Variants in MSRA observed in about 807,000 individuals in gnomAD.
MSRA encodes methionine sulfoxide reductase A.
Under a neutral mutation model 31.3 loss-of-function variants are expected in MSRA, and 54 were observed. That is an observed-to-expected ratio of 1.73 (90% CI 1.39 to 2.17). The LOEUF (loss-of-function observed/expected upper bound fraction) is 2.17, where lower values mean the gene tolerates loss of function less well. Ranked by LOEUF, MSRA falls within the 30% of genes most tolerant of loss-of-function variation. The pLI is 0.00. For synonymous variants in MSRA, 169 were observed against 116.5 expected (o/e 1.45, Z -2.90); for missense variants, 507 against 300.9 (o/e 1.69, Z -5.07).
At chr8:10,349,746 C>T (rs1446171870) in intron 5 of MSRA, among the ~76,000 whole-genome samples, 3 of 152,238 alleles carry the variant, frequency 2.0e-5, no homozygotes, top group African/African-American at 4.8e-5. Flanking sequence ...CAAGCTGAGG[C>T]TCTTTTAGGT....
rs117391618 is a variant in MSRA, at chr8:10,248,726, A to T, written c.331+3503A>T. Among the ~76,000 whole-genome samples the T allele has an allele frequency of 3.9e-5, 6 of 152,342 alleles. No homozygotes were observed. In the East Asian group the frequency reaches 9.6e-4, roughly 24 times the overall value. On this transcript the variant is annotated intron_variant, in intron 3 of 5. Coordinates refer to ENST00000317173, the MANE Select transcript of MSRA (RefSeq NM_012331.5). ...TATAGAAAAGATAACATGGCTTCTCATAGTAGCTGAGAGAGGAGGTGTGCC... is the reference window on the plus strand; with the variant it reads ...TATAGAAAAGATAACATGGCTTCTCTTAGTAGCTGAGAGAGGAGGTGTGCC...
At chr8:10,182,405 C>G (rs112885250) in intron 1 of MSRA, among the ~76,000 whole-genome samples, 1 of 152,070 alleles carries the variant, frequency 6.6e-6, no homozygotes, top group South Asian at 2.1e-4. Context: ...GTCAGGAATC[C>G]GGACACAGCT....
chr8:10,274,707 A>G (rs565798066), intron 3 of MSRA, among the ~76,000 whole-genome samples: 94 of 152,060 alleles, frequency 6.2e-4, no homozygotes, highest in African/African-American at 2.2e-3. Context: ...TCATCCGCCC[A>G]TTTATCCATG....
intron 1 of MSRA, among the ~76,000 whole-genome samples, chr8:10,087,143 A>G (rs1249212533): frequency 6.6e-6 from 1 of 152,164 alleles, no homozygotes; most frequent in Non-Finnish European, 1.5e-5. Context: ...GACCTTAAAC[A>G]TCTTGAGGGT....
Position 10,090,692 on chromosome 8 carries a change from C to T in MSRA, c.142+36034C>T, listed in dbSNP as rs553604370. ...TAGTCATTGGCAGTCACTTCCAATT[C>T]TTCCCTCTGCCCAGGTCCCAGCAAC... On this transcript the variant is annotated intron_variant, in intron 1 of 5. Transcript: ENST00000317173. 3.9e-5 allele frequency among the ~76,000 whole-genome samples: 6 copies of T among 152,290 alleles called. No individual in the cohort carries two copies. In the East Asian group the frequency reaches 1.2e-3, roughly 29 times the overall value.
At chr8:10,374,896 C>T (rs796524452) in intron 5 of MSRA, among the ~76,000 whole-genome samples, 24 of 152,232 alleles carry the variant, frequency 1.6e-4, no homozygotes, top group African/African-American at 5.8e-4. Context: ...GGAGTTCTCA[C>T]CCAGTTCATG....
At chr8:10,103,701 A>G (rs991451857) in intron 1 of MSRA, among the ~76,000 whole-genome samples, 1 of 151,656 alleles carries the variant, frequency 6.6e-6, no homozygotes, top group African/African-American at 2.4e-5. Context: ...AGACTGTTTT[A>G]TATATATATA....
At position 10,198,802 on chromosome 8, in the gene MSRA, A is replaced by AT. The variant is rs201581222; in HGVS notation, c.143-9025dup. ...CCATGCCTGGCTAACTTATTTATTT[A>AT]TTTTTTGTAGCAATGGGAGTCTCGC... On this transcript the variant is annotated intron_variant, in intron 1 of 5. Coordinates refer to ENST00000317173, the MANE Select transcript of MSRA (RefSeq NM_012331.5). 3.3e-3 allele frequency among the ~76,000 whole-genome samples: 496 copies of AT among 152,022 alleles called. 2 individuals carry two copies. The highest frequency in any genetic ancestry group is 0.011 in the African/African-American group (467 of 41,448).
At chr8:10,271,384 CA>C (rs1346700760) in intron 3 of MSRA, among the ~76,000 whole-genome samples, 6 of 152,090 alleles carry the variant, frequency 3.9e-5, no homozygotes, top group African/African-American at 1.4e-4. Flanking sequence ...AGGGCCTTCT[CA>C]ATTATGTAAC....
At chr8:10,408,890 A>G (rs907976083) in intron 5 of MSRA, among the ~76,000 whole-genome samples, 6 of 152,202 alleles carry the variant, frequency 3.9e-5, no homozygotes, top group Non-Finnish European at 8.8e-5. Flanking sequence ...GCTGCAAAAG[A>G]CATGATTGTC....
chr8:10,260,050 A>G (rs568003662), intron 3 of MSRA, among the ~76,000 whole-genome samples: 36 of 152,364 alleles, frequency 2.4e-4, no homozygotes, highest in African/African-American at 8.2e-4. Context: ...GGGAAAGAGA[A>G]AACAACCAAG....
chr8:10,334,812 C>G (rs1170727942), intron 5 of MSRA, among the ~76,000 whole-genome samples: 3 of 152,240 alleles, frequency 2.0e-5, no homozygotes, highest in African/African-American at 4.8e-5. Flanking sequence ...CAAAATGTGC[C>G]TTACTCCCTC....
intron 5 of MSRA, among the ~76,000 whole-genome samples, chr8:10,415,636 C>G (rs953417013): frequency 2.6e-5 from 4 of 152,130 alleles, no homozygotes; most frequent in Admixed American, 2.0e-4. Flanking sequence ...GTCCCATCTG[C>G]TGGGTCGCCC....
chr8:10,259,260 G>C (rs1798343967), intron 3 of MSRA, among the ~76,000 whole-genome samples: 1 of 152,132 alleles, frequency 6.6e-6, no homozygotes, highest in Non-Finnish European at 1.5e-5. Context: ...GCATCTTTTG[G>C]GCTGTAGCAA....
chr8:10,129,498 C>G (rs531342614), intron 1 of MSRA, among the ~76,000 whole-genome samples: 1 of 152,114 alleles, frequency 6.6e-6, no homozygotes, highest in African/African-American at 2.4e-5. Flanking sequence ...CACCTGTTCT[C>G]TTGCCCTGCA....
In MSRA at chr8:10,419,944, C is replaced by T. The variant is rs559083792; in HGVS notation, c.544-8204C>T. Among the ~76,000 whole-genome samples the T allele has an allele frequency of 1.4e-4, 22 of 152,298 alleles. No homozygotes were observed. The South Asian group carries it at 3.9e-3, about 27-fold the overall frequency. On this transcript the variant is annotated intron_variant, in intron 5 of 5. Transcript: ENST00000317173. ...CCTTTTGCAGTTCTGTAGAGGAGCA[C>T]AGGGTCAGCGCTGGAAGCTGCTGAT...
chr8:10,199,226 T>A (rs1268901104), intron 1 of MSRA, among the ~76,000 whole-genome samples: 1 of 152,142 alleles, frequency 6.6e-6, no homozygotes, highest in Admixed American at 6.5e-5. Context: ...TCTGATCACC[T>A]TTCTTCACTC....
chr8:10,058,930 A>G (rs1239076621), intron 1 of MSRA: 1 of 152,214 alleles, frequency 6.6e-6, no homozygotes, highest in Admixed American at 6.5e-5. Flanking sequence ...AATTTCTCCC[A>G]GGCCACCTAA....
At chr8:10,238,395 T>C (rs893332942) in intron 2 of MSRA, among the ~76,000 whole-genome samples, 1 of 152,246 alleles carries the variant, frequency 6.6e-6, no homozygotes, top group African/African-American at 2.4e-5. Context: ...CTAGGATTTT[T>C]GGTGTTTTTA....
Sources: gnomAD v4.1 joint callset for allele counts (sites outside exome capture counted in the v4.1 genomes callset) on GRCh38, gnomAD v4.1.1 for gene constraint, MANE v1.5 for transcripts, NCBI Gene and HGNC (gene_info 2026-07-23, HGNC 2026-07-21) for gene names.